Variants in MYBL1 observed in about 807,000 individuals in gnomAD.
The protein encoded by MYBL1 is MYB proto-oncogene like 1.
MYBL1 carries 17 observed loss-of-function variants against 96.3 expected under a neutral mutation model. The ratio of observed to expected loss-of-function variants is 0.18; its 90% CI spans 0.12 to 0.26. The LOEUF (loss-of-function observed/expected upper bound fraction) is 0.26. Ranked by LOEUF, MYBL1 falls within the 10% of genes least tolerant of loss-of-function variation. The pLI is 1.00. For synonymous variants in MYBL1, 282 were observed against 292.7 expected, an observed-to-expected ratio of 0.96 and a Z score of 0.37; for missense variants, 701 against 882.9, an observed-to-expected ratio of 0.79 and a Z score of 2.61.
chr8:66,609,780 C>T lies in MYBL1; in HGVS notation c.20+3039G>A, dbSNP rs371072005. Among the ~76,000 whole-genome samples the T allele has an allele frequency of 3.6e-4, 54 of 152,010 alleles. 1 individual carries two copies. In the East Asian group the frequency reaches 0.01, roughly 29 times the overall value. ...TATATACATTAAAGCTAGAAACTAC[C>T]TTACAGACCATAAAATCCAAACTCT... is the stretch of plus-strand genomic sequence containing the variant. On this transcript the variant is annotated intron_variant, in intron 1 of 15. Transcript: ENST00000522677.
chr8:66,602,831 C>T (rs1810156628), intron 1 of MYBL1, among the ~76,000 whole-genome samples: 1 of 146,264 alleles, frequency 6.8e-6, no homozygotes, highest in Non-Finnish European at 1.5e-5. Flanking sequence ...CTGCAAGCTC[C>T]GCCTCCCAGG....
chr8:66,577,822 C>G (rs1414062750), intron 9 of MYBL1, among the ~76,000 whole-genome samples: 1 of 152,196 alleles, frequency 6.6e-6, no homozygotes, highest in Non-Finnish European at 1.5e-5. Context: ...TACCTGATTT[C>G]AAACTATACT....
intron 4 of MYBL1, among the ~76,000 whole-genome samples, chr8:66,598,661 A>C (rs915688491): frequency 6.6e-6 from 1 of 152,248 alleles, no homozygotes; most frequent in Admixed American, 6.5e-5. Context: ...GAAAAAGTTA[A>C]GAATGACTTC....
rs1242807603 is a variant in MYBL1, at chr8:66,562,395, TACTG to T, written c.*2298_*2301del. On this transcript the variant is annotated 3_prime_UTR_variant, in exon 16 of 16. Transcript: ENST00000522677. The stretch of plus-strand genomic sequence containing the variant: ...TGTTATGTCTGGCATTTGTATAACA[TACTG>T]AAAGAAACTCAGAGGAACAAAACAG... The T allele has an allele frequency of 6.6e-6, 1 of 152,610 alleles. No individual in the cohort carries two copies. The highest frequency in any genetic ancestry group is 1.5e-5 in the Non-Finnish European group (1 of 68,024). 9.5% of individuals were successfully genotyped at this position (152,610 alleles called of 1,614,324 possible).
chr8:66,602,200 C>T (rs565371254), intron 2 of MYBL1, among the ~76,000 whole-genome samples: 14 of 152,036 alleles, frequency 9.2e-5, no homozygotes, highest in Admixed American at 7.2e-4. Flanking sequence ...TACAGACATG[C>T]GCCACCATAC....
At chr8:66,567,443 G>C (rs927698568) in intron 12 of MYBL1, among the ~76,000 whole-genome samples, 1 of 151,944 alleles carries the variant, frequency 6.6e-6, no homozygotes, top group South Asian at 2.1e-4. Context: ...AGATACTTGA[G>C]AGCAATGGTC....
chr8:66,572,274 C>G (rs1368224489), intron 12 of MYBL1, among the ~76,000 whole-genome samples: 1 of 150,646 alleles, frequency 6.6e-6, no homozygotes, highest in African/African-American at 2.4e-5. Flanking sequence ...GAGCTGAGAT[C>G]GCGCCACTTC....
intron 1 of MYBL1, among the ~76,000 whole-genome samples, chr8:66,606,688 C>T (rs1399847890): frequency 6.6e-6 from 1 of 152,196 alleles, no homozygotes; most frequent in Non-Finnish European, 1.5e-5. Context: ...CTATGATCTG[C>T]TTCTACAGTT....
chr8:66,576,000 C>T lies in MYBL1; in HGVS notation c.1470+7G>A. 6.2e-7 allele frequency: 1 copy of T among 1,606,366 alleles called. No homozygotes were observed. The highest frequency in any genetic ancestry group is 8.5e-7 in the Non-Finnish European group (1 of 1,174,950). ...TTTAGAAACATAAACAAAATGAACA[C>T]CACTACCTGTGAAGGAGAAAATGGT... On this transcript the variant is annotated splice_region_variant and intron_variant, in intron 10 of 15. Transcript: ENST00000522677.
intron 1 of MYBL1, among the ~76,000 whole-genome samples, chr8:66,603,672 T>G (rs561432433): frequency 9.6e-4 from 146 of 151,974 alleles, no homozygotes; most frequent in African/African-American, 2.9e-3. Context: ...TTCTATTTTT[T>G]GTAGAGATGG....
At chr8:66,612,516 G>C in intron 1 of MYBL1, 1 of 376,328 alleles carries the variant, frequency 2.7e-6, no homozygotes, top group Non-Finnish European at 4.7e-6. Flanking sequence ...CGACTTACCT[G>C]GCAAGAAACC....
Position 66,564,705 on chromosome 8 carries a change from T to A in MYBL1, c.2251A>T (p.Ile751Leu), listed in dbSNP as rs754623257. Reference protein sequence around the residue: ...TATSSTSRALIL With the variant: ...TATSSTSRALLL ...ATCAATTTTAATAACAATTACAGTA[T>A]GAGAGCTCTTGAAGTACTACTGGTA... is the stretch of plus-strand genomic sequence containing the variant. The change falls in exon 16 of 16, where the codon ATA becomes TTA. Residue 751 changes from isoleucine (I) to leucine (L), a missense_variant. Transcript: ENST00000522677. 1 of 1,576,718 alleles carries A rather than the reference T, an allele frequency of 6.3e-7. No individual in the cohort carries two copies. The highest frequency in any genetic ancestry group is 2.3e-5 in the East Asian group (1 of 43,730).
chr8:66,580,341 G>C lies in MYBL1; in HGVS notation c.893C>G (p.Ser298Cys). Residue 298 changes from serine to cysteine, a missense_variant, in exon 9 of 16, where the codon TCT becomes TGT. Around this residue, in one of 5 missense-constraint regions of MYBL1, gnomAD observed 396 missense variants for 407.4 expected, o/e 0.97. Coordinates refer to ENST00000522677, the MANE Select transcript of MYBL1 (RefSeq NM_001080416.4). ...PSQPGSFSSW[S>C]GSFLMDDNMS... ...GTTATCATCCATGAGGAAACTACCAGACCAGCTAGAAAAACTTCCAGGCTG... is the reference window on the plus strand; with the variant it reads ...GTTATCATCCATGAGGAAACTACCACACCAGCTAGAAAAACTTCCAGGCTG... 1 of 1,605,390 alleles carries C rather than the reference G, an allele frequency of 6.2e-7. No individual in the cohort carries two copies. The highest frequency in any genetic ancestry group is 8.5e-7 in the Non-Finnish European group (1 of 1,173,172).
intron 10 of MYBL1, among the ~76,000 whole-genome samples, chr8:66,574,256 T>A (rs1414983172): frequency 6.6e-6 from 1 of 152,190 alleles, no homozygotes; most frequent in African/African-American, 2.4e-5. Context: ...AAACCCTCTT[T>A]TACACGATAA....
Position 66,613,179 on chromosome 8 carries a change from G to A in MYBL1, c.-341C>T, listed in dbSNP as rs577119281. On this transcript the variant is annotated 5_prime_UTR_variant, in exon 1 of 16. Transcript: ENST00000522677. ...GCCCCAGCCCGGCTCCGCCACAGGC[G>A]CCCGACCCCTGCCCTCTCCCCCGCA... is the stretch of plus-strand genomic sequence containing the variant. The A allele has an allele frequency of 3.6e-4, 143 of 400,968 alleles. 1 individual carries two copies. The highest frequency in any genetic ancestry group is 2.7e-3 in the African/African-American group (132 of 48,740). The allele number at this position is 400,968 out of a possible 1,614,324, so 24.8% of individuals were successfully genotyped here.
At chr8:66,603,027 G>A (rs1160559753) in intron 1 of MYBL1, among the ~76,000 whole-genome samples, 1 of 151,976 alleles carries the variant, frequency 6.6e-6, no homozygotes, top group African/African-American at 2.4e-5. Context: ...TTACAGGCGT[G>A]AGCCACTGCA....
intron 3 of MYBL1, among the ~76,000 whole-genome samples, chr8:66,599,818 AAG>A (rs1362444309): frequency 6.6e-6 from 1 of 152,114 alleles, no homozygotes; most frequent in African/African-American, 2.4e-5. Context: ...AAAAAAGAAA[AAG>A]AACTCAAATA....
chr8:66,612,672 T>A (rs953023783), intron 1 of MYBL1, 147 bp downstream of exon 1: 4 of 977,368 alleles, frequency 4.1e-6, no homozygotes, highest in Non-Finnish European at 5.5e-6. Context: ...CCTCCGGTCA[T>A]CGAGGCCAAG....
At chr8:66,608,834 A>G (rs1394003725) in intron 1 of MYBL1, among the ~76,000 whole-genome samples, 3 of 152,148 alleles carry the variant, frequency 2.0e-5, no homozygotes, top group Admixed American at 6.5e-5. Flanking sequence ...AAGACAGCAA[A>G]ATAAAGTGAC....
Sources: gnomAD v4.1 joint callset for allele counts (sites outside exome capture counted in the v4.1 genomes callset) on GRCh38, gnomAD v4.1.1 for gene constraint, gnomAD v4.1.1 regional missense constraint, MANE v1.5 for transcripts, NCBI Gene and HGNC (gene_info 2026-07-23, HGNC 2026-07-21) for gene names.